ZFR: variants seen among roughly 807,000 people sequenced by gnomAD.
ZFR encodes zinc finger RNA-binding protein.
A neutral mutation model predicts 130.7 loss-of-function variants in ZFR; 19 were observed. That is an observed-to-expected ratio of 0.15 (90% CI 0.10 to 0.21). ZFR has a LOEUF of 0.21. Ranked by LOEUF, ZFR falls within the 10% of genes least tolerant of loss-of-function variation. ZFR has a pLI of 1.00. For missense variants in ZFR, 872 were observed against 1,321.5 expected, an observed-to-expected ratio of 0.66 and a Z score of 5.27; for synonymous variants, 466 against 456.9, an observed-to-expected ratio of 1.02 and a Z score of -0.25.
chr5:32,439,771 T>C (rs923542536), intron 2 of ZFR, among the ~76,000 whole-genome samples: 1 of 124,756 alleles, frequency 8.0e-6, no homozygotes, highest in East Asian at 2.5e-4. Flanking sequence ...ACCACTACAC[T>C]GCAGCCTGGG....
intron 2 of ZFR, among the ~76,000 whole-genome samples, chr5:32,435,689 C>T (rs1754317060): frequency 6.6e-6 from 1 of 152,168 alleles, no homozygotes; most frequent in Non-Finnish European, 1.5e-5. Context: ...AGCCTATTTT[C>T]AAAGACATGC....
At chr5:32,415,339 C>T in intron 4 of ZFR, 152 bp from the exon 5 acceptor site, 3 of 616,458 alleles carry the variant, frequency 4.9e-6, no homozygotes, top group South Asian at 2.1e-5. Flanking sequence ...GCATAAAACT[C>T]TTATTACCAA....
chr5:32,414,271 A>G (rs1013985331), intron 5 of ZFR, among the ~76,000 whole-genome samples: 1 of 152,214 alleles, frequency 6.6e-6, no homozygotes, highest in Non-Finnish European at 1.5e-5. Flanking sequence ...TCTGAGAAAT[A>G]AAAGAGTGTC....
intron 15 of ZFR, among the ~76,000 whole-genome samples, chr5:32,384,526 A>C (rs1752994738): frequency 6.6e-6 from 1 of 152,204 alleles, no homozygotes; most frequent in Admixed American, 6.5e-5. Context: ...TAATTGAGAG[A>C]CTACTGATGC....
At chr5:32,417,405 C>G (rs564448359) in intron 4 of ZFR, among the ~76,000 whole-genome samples, 8 of 152,276 alleles carry the variant, frequency 5.3e-5, no homozygotes, top group African/African-American at 1.9e-4. Context: ...GGTTCTTTTG[C>G]ACAGCTTATT....
At chr5:32,406,582 A>T in intron 6 of ZFR, 192 bp downstream of exon 6, 1 of 679,632 alleles carries the variant, frequency 1.5e-6, no homozygotes, top group Non-Finnish European at 2.1e-6. Flanking sequence ...TTTATCATTT[A>T]CAGTCACAAT....
rs118102394 is a variant in ZFR at position 32,389,412 on chromosome 5, G to C, written c.2143-738C>G. On this transcript the variant is annotated intron_variant, in intron 12 of 19. Transcript: ENST00000265069. ...TGCCCAGGCTAGTCTTGAACTTCTA[G>C]CACCAAGCCATCCTTTCACCTTGGT... 1.6e-4 allele frequency among the ~76,000 whole-genome samples: 24 copies of C among 152,248 alleles called. No individual in the cohort carries two copies. In the East Asian group the frequency reaches 4.2e-3, roughly 27 times the overall value.
At chr5:32,374,746 A>G (rs1294211068) in intron 17 of ZFR, among the ~76,000 whole-genome samples, 1 of 152,200 alleles carries the variant, frequency 6.6e-6, no homozygotes, top group East Asian at 1.9e-4. Flanking sequence ...CTAAAATAGC[A>G]TAACTCTATT....
intron 5 of ZFR, among the ~76,000 whole-genome samples, chr5:32,408,139 T>C (rs1015252585): frequency 6.6e-6 from 1 of 152,082 alleles, no homozygotes; most frequent in Non-Finnish European, 1.5e-5. Context: ...ATTTTATGAA[T>C]ATTAAGCTTA....
intron 17 of ZFR, among the ~76,000 whole-genome samples, chr5:32,374,767 A>T (rs1752759526): frequency 6.6e-6 from 1 of 152,096 alleles, no homozygotes. Flanking sequence ...GAATGGGTTG[A>T]TTTTTTTAAA....
At chr5:32,396,491 A>G (rs1295789996) in intron 10 of ZFR, among the ~76,000 whole-genome samples, 1 of 152,200 alleles carries the variant, frequency 6.6e-6, no homozygotes, top group Non-Finnish European at 1.5e-5. Context: ...ATGTAATCCC[A>G]GCACTTTGGG....
In ZFR at chr5:32,363,941, C is replaced by T; in HGVS notation, c.3045+7G>A. The T allele has an allele frequency of 1.2e-6, 2 of 1,612,930 alleles. No homozygotes were observed. Among genetic ancestry groups the T allele is most frequent in the African/African-American group, 2.7e-5 (2 of 74,970 alleles). On this transcript the variant is annotated splice_region_variant and intron_variant, in intron 19 of 19. Transcript: ENST00000265069. ...CAATAGGGCTCTGAATTTAGGAATA[C>T]CAGTACCTGTGCACTGGATGTGATG...
chr5:32,431,323 C>G (rs751163102), intron 2 of ZFR, among the ~76,000 whole-genome samples: 14 of 152,022 alleles, frequency 9.2e-5, no homozygotes, highest in Non-Finnish European at 1.8e-4. Flanking sequence ...ATCAGGAGGA[C>G]TGATCAAGTT....
intron 15 of ZFR, 66 bp from the exon 16 acceptor site, chr5:32,380,238 T>G: frequency 8.3e-7 from 1 of 1,211,234 alleles, no homozygotes; most frequent in Non-Finnish European, 1.2e-6. Context: ...GCAAGACACT[T>G]CCTTAAGGTA....
intron 2 of ZFR, among the ~76,000 whole-genome samples, chr5:32,423,103 G>T (rs1195663193): frequency 6.6e-6 from 1 of 152,022 alleles, no homozygotes. Flanking sequence ...AGCACTTTGG[G>T]AGGCCAAGAA....
chr5:32,437,862 G>C (rs1255897179), intron 2 of ZFR, among the ~76,000 whole-genome samples: 2 of 151,628 alleles, frequency 1.3e-5, no homozygotes, highest in Non-Finnish European at 2.9e-5. Flanking sequence ...ATAATATTTT[G>C]GTATCTGATA....
intron 6 of ZFR, among the ~76,000 whole-genome samples, chr5:32,405,266 T>C (rs886346357): frequency 2.6e-5 from 4 of 152,200 alleles, no homozygotes; most frequent in Admixed American, 6.5e-5. Flanking sequence ...GGTCTCTAAA[T>C]TGCCCAAGGT....
intron 5 of ZFR, 126 bp from the exon 6 acceptor site, chr5:32,407,147 T>C (rs956507573): frequency 2.3e-6 from 2 of 852,048 alleles, no homozygotes; most frequent in Non-Finnish European, 3.4e-6. Context: ...TTTACAAACG[T>C]ATATCTCACA....
chr5:32,365,734 T>C (rs886765061), intron 17 of ZFR, among the ~76,000 whole-genome samples: 1 of 151,396 alleles, frequency 6.6e-6, no homozygotes, highest in Non-Finnish European at 1.5e-5. Context: ...GTCGTGCCGC[T>C]GTACGACTGG....
Sources: allele counts gnomAD v4.1 joint callset (sites outside exome capture counted in the v4.1 genomes callset), GRCh38; gene constraint gnomAD v4.1.1; transcripts MANE v1.5; gene names NCBI Gene and HGNC (gene_info 2026-07-23, HGNC 2026-07-21).